Variants in ANKIB1 observed in about 807,000 individuals in gnomAD.
The protein encoded by ANKIB1 is ankyrin repeat and IBR domain-containing protein 1.
Under a neutral mutation model 122.1 loss-of-function variants are expected in ANKIB1, and 43 were observed. The observed-to-expected ratio is 0.35, with a 90% CI of 0.28 to 0.45. The LOEUF (loss-of-function observed/expected upper bound fraction) is 0.45. Ranked by LOEUF, ANKIB1 falls within the 20% of genes least tolerant of loss-of-function variation. The pLI is 1.00. For synonymous variants in ANKIB1, 390 were observed against 442.0 expected (o/e 0.88, Z 1.48); for missense variants, 992 against 1,329.5 (o/e 0.75, Z 3.95).
chr7:92,271,798 C>T lies in ANKIB1; in HGVS notation c.-90-23091C>T, dbSNP rs190310114. Among the ~76,000 whole-genome samples, 324 of 152,050 alleles carry T rather than the reference C, an allele frequency of 2.1e-3. 4 individuals are homozygous for T. Among genetic ancestry groups the T allele is most frequent in the African/African-American group, 7.3e-3 (302 of 41,476 alleles). Reference sequence around the variant, plus strand: ...AAATATAAAGAGATTAAAGATGAGACAAAGATTGGAAAGTTAAAGGATCTA... The same window carrying T: ...AAATATAAAGAGATTAAAGATGAGATAAAGATTGGAAAGTTAAAGGATCTA... On this transcript the variant is annotated intron_variant, in intron 1 of 19. Transcript: ENST00000265742.
intron 11 of ANKIB1, among the ~76,000 whole-genome samples, chr7:92,372,766 A>C (rs192741350): frequency 6.6e-6 from 1 of 152,110 alleles, no homozygotes; most frequent in East Asian, 1.9e-4. Context: ...ATCCCTACCT[A>C]CCTACATTTA....
At chr7:92,280,112 A>G (rs2131901049) in intron 1 of ANKIB1, among the ~76,000 whole-genome samples, 1 of 152,340 alleles carries the variant, frequency 6.6e-6, no homozygotes, top group East Asian at 1.9e-4. Flanking sequence ...CCAGTAGCAG[A>G]AAGCAAGGGA....
intron 2 of ANKIB1, among the ~76,000 whole-genome samples, chr7:92,306,281 G>A (rs1236968557): frequency 2.0e-5 from 3 of 151,968 alleles, no homozygotes; most frequent in African/African-American, 7.3e-5. Context: ...CCTTTTGGAG[G>A]CTCCAGGGTA....
intron 1 of ANKIB1, among the ~76,000 whole-genome samples, chr7:92,282,623 C>T (rs1200305869): frequency 6.6e-6 from 1 of 152,206 alleles, no homozygotes; most frequent in Non-Finnish European, 1.5e-5. Context: ...ACTAAAATTA[C>T]ACTATTTGCC....
intron 10 of ANKIB1, among the ~76,000 whole-genome samples, chr7:92,367,625 T>A (rs1317120591): frequency 1.3e-5 from 2 of 152,194 alleles, no homozygotes; most frequent in Non-Finnish European, 2.9e-5. Context: ...TGAGAAAATC[T>A]AATTAATGAG....
chr7:92,289,139 A>G (rs1802196824), intron 1 of ANKIB1, among the ~76,000 whole-genome samples: 2 of 152,240 alleles, frequency 1.3e-5, no homozygotes. Context: ...GAATGATTAA[A>G]CAAGTAGTGG....
At chr7:92,366,815 A>T (rs1387336467) in intron 10 of ANKIB1, among the ~76,000 whole-genome samples, 1 of 152,242 alleles carries the variant, frequency 6.6e-6, no homozygotes, top group African/African-American at 2.4e-5. Context: ...GCCACACAGC[A>T]TATCCATCTC....
chr7:92,246,570 T>C (rs1440161976), intron 1 of ANKIB1, 51 bp downstream of exon 1: 5 of 508,820 alleles, frequency 9.8e-6, no homozygotes, highest in Middle Eastern at 3.2e-4. Flanking sequence ...CTCTACCCAT[T>C]TGTGGCTCCG....
Position 92,400,172 on chromosome 7 carries a change from A to G in ANKIB1, c.*1223A>G, listed in dbSNP as rs1384016938. ...CACTAACTATAACAACTAAATGTTC[A>G]ATCAGTTTGTTTGCCTAACTAGCAA... On this transcript the variant is annotated 3_prime_UTR_variant, in exon 20 of 20. Transcript: ENST00000265742. The G allele has an allele frequency of 1.3e-5, 2 of 152,222 alleles. No individual in the cohort carries two copies. Among genetic ancestry groups the G allele is most frequent in the South Asian group, 2.1e-4 (1 of 4,836 alleles). 9.4% of individuals were successfully genotyped at this position (152,222 alleles called of 1,614,324 possible).
intron 3 of ANKIB1, among the ~76,000 whole-genome samples, chr7:92,310,270 C>A (rs982277574): frequency 6.6e-6 from 1 of 152,002 alleles, no homozygotes; most frequent in African/African-American, 2.4e-5. Context: ...TGATTGTTTT[C>A]ATTTTCTGTA....
At chr7:92,314,690 A>G (rs1278832406) in intron 3 of ANKIB1, among the ~76,000 whole-genome samples, 2 of 152,214 alleles carry the variant, frequency 1.3e-5, no homozygotes, top group Non-Finnish European at 2.9e-5. Flanking sequence ...ATGACTATCA[A>G]GCTACCCAAA....
At position 92,327,827 on chromosome 7, in the gene ANKIB1, T is replaced by C. The variant is rs1803060008; in HGVS notation, c.714T>C (p.Asp238=). 3 of 1,592,148 alleles carry C rather than the reference T, an allele frequency of 1.9e-6. No individual in the cohort carries two copies. Among genetic ancestry groups the C allele is most frequent in the Non-Finnish European group, 1.7e-6 (2 of 1,174,398 alleles). The change falls in exon 5 of 20, where the codon GAT becomes GAC. Residue 238 remains aspartate (D), a synonymous_variant. Coordinates refer to ENST00000265742, the MANE Select transcript of ANKIB1 (RefSeq NM_019004.2). ...LRPQDLRRLK[D]MLIVETADML... ...CTCAGGATCTTCGTAGACTAAAAGATATGCTTATTGTGGAAACTGCAGACA... is the reference window on the plus strand; with the variant it reads ...CTCAGGATCTTCGTAGACTAAAAGACATGCTTATTGTGGAAACTGCAGACA...
At chr7:92,314,055 T>G (rs896179153) in intron 3 of ANKIB1, among the ~76,000 whole-genome samples, 2 of 152,166 alleles carry the variant, frequency 1.3e-5, no homozygotes, top group Non-Finnish European at 2.9e-5. Context: ...CCCACTACTT[T>G]GGTTGGCCGA....
chr7:92,373,667 A>G (rs1804320990), intron 11 of ANKIB1, among the ~76,000 whole-genome samples: 1 of 152,180 alleles, frequency 6.6e-6, no homozygotes, highest in Non-Finnish European at 1.5e-5. Flanking sequence ...TTAAATGTGT[A>G]GGTGTAACAA....
At chr7:92,355,172 C>T (rs558918972) in intron 9 of ANKIB1, among the ~76,000 whole-genome samples, 1 of 152,310 alleles carries the variant, frequency 6.6e-6, no homozygotes, top group Admixed American at 6.5e-5. Flanking sequence ...TTTATAATTA[C>T]AATTTGTGTG....
chr7:92,285,065 G>A (rs1802090383), intron 1 of ANKIB1, among the ~76,000 whole-genome samples: 1 of 152,016 alleles, frequency 6.6e-6, no homozygotes, highest in African/African-American at 2.4e-5. Context: ...GTAGAGGCTA[G>A]GTAGATTTTT....
chr7:92,348,712 G>A (rs916926314), intron 7 of ANKIB1, among the ~76,000 whole-genome samples: 6 of 152,092 alleles, frequency 3.9e-5, no homozygotes, highest in South Asian at 2.1e-4. Context: ...CTTGTATATC[G>A]CTGCTTAGCA....
At chr7:92,362,782 C>G (rs1459603995) in intron 10 of ANKIB1, among the ~76,000 whole-genome samples, 1 of 152,124 alleles carries the variant, frequency 6.6e-6, no homozygotes, top group Non-Finnish European at 1.5e-5. Flanking sequence ...TGTTAATCAT[C>G]ACAGAAATGA....
intron 1 of ANKIB1, among the ~76,000 whole-genome samples, chr7:92,255,233 ATCTC>A (rs1252596779): frequency 6.6e-6 from 1 of 152,180 alleles, no homozygotes; most frequent in South Asian, 2.1e-4. Flanking sequence ...TGTCTTGAGA[ATCTC>A]TCTCTCCTCT....
Sources: allele counts gnomAD v4.1 joint callset (sites outside exome capture counted in the v4.1 genomes callset), GRCh38; gene constraint gnomAD v4.1.1; transcripts MANE v1.5; gene names NCBI Gene and HGNC (gene_info 2026-07-23, HGNC 2026-07-21).